SH3RF3: variants seen among roughly 807,000 people sequenced by gnomAD.
The protein encoded by SH3RF3 is SH3 domain containing ring finger 3, also known as E3 ubiquitin-protein ligase SH3RF3.
Under a neutral mutation model 66.3 loss-of-function variants are expected in SH3RF3, and 29 were observed. That is an observed-to-expected ratio of 0.44 (90% CI 0.33 to 0.60). The LOEUF (loss-of-function observed/expected upper bound fraction) is 0.60, where lower values mean the gene tolerates loss of function less well. Among genes scored for constraint, SH3RF3 ranks in the 20% least tolerant of loss-of-function variants. The pLI is 0.04. For missense variants in SH3RF3, 1,194 were observed against 1,190.9 expected (o/e 1.00, Z -0.04); for synonymous variants, 583 against 532.0 (o/e 1.10, Z -1.32).
intron 1 of SH3RF3, among the ~76,000 whole-genome samples, chr2:109,323,422 G>A (rs1246310287): frequency 6.6e-6 from 1 of 152,234 alleles, no homozygotes; most frequent in Non-Finnish European, 1.5e-5. Flanking sequence ...ACACACATAT[G>A]CACATACTAT....
chr2:109,441,880 A>G (rs1041232816), intron 7 of SH3RF3, among the ~76,000 whole-genome samples: 1 of 152,246 alleles, frequency 6.6e-6, no homozygotes, highest in African/African-American at 2.4e-5. Flanking sequence ...GTGAGATGAC[A>G]GAATAACCAA....
intron 3 of SH3RF3, among the ~76,000 whole-genome samples, chr2:109,386,639 C>G (rs1308695135): frequency 6.6e-6 from 1 of 152,180 alleles, no homozygotes; most frequent in Non-Finnish European, 1.5e-5. Flanking sequence ...ACTTTCTGAG[C>G]TCTTAGAGCT....
At chr2:109,427,388 C>T (rs999278216) in intron 5 of SH3RF3, among the ~76,000 whole-genome samples, 9 of 152,138 alleles carry the variant, frequency 5.9e-5, no homozygotes, top group Admixed American at 3.3e-4. Context: ...ACCAAAAATT[C>T]GGGTGACAGT....
At chr2:109,398,389 T>C (rs982006764) in intron 3 of SH3RF3, among the ~76,000 whole-genome samples, 1 of 152,204 alleles carries the variant, frequency 6.6e-6, no homozygotes, top group African/African-American at 2.4e-5. Context: ...TCATGGCTCC[T>C]GGGGTTTTTG....
intron 1 of SH3RF3, among the ~76,000 whole-genome samples, chr2:109,241,347 G>A (rs1381286607): frequency 1.3e-5 from 2 of 152,178 alleles, no homozygotes; most frequent in East Asian, 1.9e-4. Flanking sequence ...TGGAAAAAAA[G>A]TATACAAAAT....
chr2:109,326,395 C>T (rs1024471022), intron 1 of SH3RF3, among the ~76,000 whole-genome samples: 2 of 152,022 alleles, frequency 1.3e-5, no homozygotes, highest in African/African-American at 2.4e-5. Flanking sequence ...TACATCCTTA[C>T]CCTGGAGAAT....
chr2:109,220,072 T>C (rs544575483), intron 1 of SH3RF3, among the ~76,000 whole-genome samples: 3 of 152,302 alleles, frequency 2.0e-5, no homozygotes, highest in Admixed American at 6.5e-5. Flanking sequence ...GCATAAGGGA[T>C]AGATATATAA....
intron 1 of SH3RF3, among the ~76,000 whole-genome samples, chr2:109,341,913 A>G (rs183684191): frequency 6.6e-6 from 1 of 152,278 alleles, no homozygotes; most frequent in East Asian, 1.9e-4. Flanking sequence ...GAAATTTGGA[A>G]TATTCTGACA....
chr2:109,214,968 C>T (rs1366459955), intron 1 of SH3RF3, among the ~76,000 whole-genome samples: 3 of 152,168 alleles, frequency 2.0e-5, no homozygotes, highest in African/African-American at 4.8e-5. Flanking sequence ...AGGGGCACGT[C>T]GCTGAGCTCA....
intron 1 of SH3RF3, among the ~76,000 whole-genome samples, chr2:109,296,245 G>A (rs1270396525): frequency 1.3e-5 from 2 of 149,222 alleles, no homozygotes; most frequent in African/African-American, 2.6e-5. Flanking sequence ...ATTATTATTC[G>A]AGATGGAGTT....
chr2:109,377,141 G>A (rs543366140), intron 3 of SH3RF3, among the ~76,000 whole-genome samples: 6 of 152,224 alleles, frequency 3.9e-5, no homozygotes, highest in Non-Finnish European at 7.3e-5. Context: ...TATTCTTGGC[G>A]TTTCCCATTG....
rs759080771 is a variant in SH3RF3 at position 109,347,795 on chromosome 2, A to G, written c.695A>G (p.Tyr232Cys). 6.2e-7 allele frequency: 1 copy of G among 1,613,968 alleles called. No homozygotes were observed. The highest frequency in any genetic ancestry group is 2.2e-5 in the East Asian group (1 of 44,870). ...CGGCGCAAGGTGGATGAACAGTGGT[A>G]CCACGGCGAGCTGCACGGCACACAG... ...VLRRKVDEQW[Y>C]HGELHGTQGF... is the part of the protein sequence containing the mutation. Residue 232 changes from tyrosine (Y) to cysteine (C), a missense_variant, in exon 2 of 10, where the codon TAC (tyrosine) becomes TGC (cysteine). Tyr to Cys is a radical substitution (Grantham distance 194). Coordinates refer to ENST00000309415, the MANE Select transcript of SH3RF3 (RefSeq NM_001099289.3).
rs530185044 is a variant in SH3RF3 at position 109,399,360 on chromosome 2, CTCAGAA to C, written c.1299+427_1299+432del. On this transcript the variant is annotated intron_variant, in intron 4 of 9. Coordinates refer to ENST00000309415, the MANE Select transcript of SH3RF3 (RefSeq NM_001099289.3). ...TTTCAAGAGAAAGAAGGAGTCAGAG[CTCAGAA>C]TCAGAATCAACTACATTGTTGAGTA... is the stretch of plus-strand genomic sequence containing the variant. Among the ~76,000 whole-genome samples, 85 of 152,322 alleles carry C rather than the reference CTCAGAA, an allele frequency of 5.6e-4. 2 individuals are homozygous for C. The South Asian group carries it at 0.016, about 29-fold the overall frequency.
chr2:109,428,671 T>C (rs1677105113), intron 5 of SH3RF3, among the ~76,000 whole-genome samples: 1 of 152,210 alleles, frequency 6.6e-6, no homozygotes, highest in Non-Finnish European at 1.5e-5. Context: ...TCTCTGATCC[T>C]AAAATCCCAT....
chr2:109,377,149 T>C (rs1452119743), intron 3 of SH3RF3, among the ~76,000 whole-genome samples: 1 of 152,218 alleles, frequency 6.6e-6, no homozygotes, highest in East Asian at 1.9e-4. Context: ...GCGTTTCCCA[T>C]TGATTGTCTG....
Position 109,202,411 on chromosome 2 carries a change from T to G in SH3RF3, c.573+72298T>G, listed in dbSNP as rs147520324. ...GGGACACCTAATTGCCCGAACTTAA[T>G]TGTACTTTTTAGTACAATTACTAAA... On this transcript the variant is annotated intron_variant, in intron 1 of 9. Transcript: ENST00000309415. 2.2e-4 allele frequency among the ~76,000 whole-genome samples: 33 copies of G among 152,368 alleles called. No homozygotes were observed. In the East Asian group the frequency reaches 4.4e-3, roughly 20 times the overall value.
At position 109,419,771 on chromosome 2, in the gene SH3RF3, C is replaced by T. The variant is rs192497367; in HGVS notation, c.1403+129C>T. On this transcript the variant is annotated intron_variant, in intron 5 of 9. Transcript: ENST00000309415. ...ACTAGTTGGCCAGTATAGTTATGTG[C>T]GTCTAATAACACCGCTGAAGGGAGA... 1.0e-4 allele frequency: 79 copies of T among 780,626 alleles called. No homozygotes were observed. In the African/African-American group the frequency reaches 1.1e-3, roughly 11 times the overall value. 48.4% of individuals were successfully genotyped at this position (780,626 alleles called of 1,614,324 possible). A position where few individuals can be genotyped will look rare whatever the true frequency, so the allele number is the denominator to read the frequency against.
intron 1 of SH3RF3, among the ~76,000 whole-genome samples, chr2:109,156,371 G>T (rs1230295392): frequency 6.6e-6 from 1 of 152,160 alleles, no homozygotes; most frequent in Non-Finnish European, 1.5e-5. Flanking sequence ...GCTGGAGAAG[G>T]AAGTATCCAC....
intron 1 of SH3RF3, among the ~76,000 whole-genome samples, chr2:109,216,204 C>A (rs938698120): frequency 3.9e-5 from 6 of 152,202 alleles, no homozygotes; most frequent in Non-Finnish European, 7.3e-5. Context: ...ACCTGCCCAT[C>A]ATTGCATCTA....
Sources: allele counts gnomAD v4.1 joint callset (sites outside exome capture counted in the v4.1 genomes callset), GRCh38; gene constraint gnomAD v4.1.1; transcripts MANE v1.5; gene names NCBI Gene and HGNC (gene_info 2026-07-23, HGNC 2026-07-21).